KDM4C: variants seen among roughly 807,000 people sequenced by gnomAD.
The protein encoded by KDM4C is lysine-specific demethylase 4C.
Under a neutral mutation model 129.3 loss-of-function variants are expected in KDM4C, and 81 were observed. The observed-to-expected ratio is 0.63, with a 90% CI of 0.52 to 0.75. KDM4C has a LOEUF of 0.75. KDM4C is among the 30% of genes least tolerant of loss of function. The pLI is 0.00. For missense variants in KDM4C, 1,457 were observed against 1,304.0 expected (o/e 1.12, Z -1.81); for synonymous variants, 573 against 456.1 (o/e 1.26, Z -3.26).
At chr9:7,104,237 G>C (rs1226958711) in intron 18 of KDM4C, 2 of 197,380 alleles carry the variant, frequency 1.0e-5, no homozygotes, top group African/African-American at 4.5e-5. Flanking sequence ...ATTTCTGCGA[G>C]GGGATCACCA....
intron 18 of KDM4C, among the ~76,000 whole-genome samples, chr9:7,122,035 G>A (rs1839538223): frequency 6.6e-6 from 1 of 151,930 alleles, no homozygotes. Context: ...TGTTGTGTTA[G>A]TCTATTTTCG....
At chr9:6,780,256 C>G (rs1319312216) in intron 1 of KDM4C, among the ~76,000 whole-genome samples, 1 of 151,852 alleles carries the variant, frequency 6.6e-6, no homozygotes, top group Non-Finnish European at 1.5e-5. Context: ...GTGAATACAG[C>G]GGTGTTATTG....
intron 15 of KDM4C, among the ~76,000 whole-genome samples, chr9:7,016,207 A>G (rs1264785115): frequency 6.6e-6 from 1 of 151,446 alleles, no homozygotes; most frequent in Non-Finnish European, 1.5e-5. Flanking sequence ...GGCTCACTGC[A>G]AGCTCCACCT....
intron 15 of KDM4C, among the ~76,000 whole-genome samples, chr9:7,042,652 A>G (rs1160457181): frequency 2.0e-5 from 3 of 152,084 alleles, no homozygotes; most frequent in African/African-American, 7.2e-5. Context: ...TTAAGTACAT[A>G]CAGGAACTTT....
intron 17 of KDM4C, among the ~76,000 whole-genome samples, chr9:7,096,997 T>C (rs186035729): frequency 3.3e-5 from 5 of 152,356 alleles, no homozygotes; most frequent in Admixed American, 3.3e-4. Flanking sequence ...GCTGTGCTCC[T>C]ACTTCCTGAC....
intron 1 of KDM4C, chr9:6,748,582 T>C: frequency 3.4e-6 from 2 of 585,194 alleles, no homozygotes; most frequent in Non-Finnish European, 3.1e-6. Flanking sequence ...ACAGCATTTA[T>C]TGCCATCTTG....
chr9:7,028,714 T>C (rs190887691), intron 15 of KDM4C, among the ~76,000 whole-genome samples: 247 of 152,018 alleles, frequency 1.6e-3, no homozygotes, highest in African/African-American at 5.3e-3. Flanking sequence ...CAGAGTACTC[T>C]AGCCCGTGGT....
intron 8 of KDM4C, among the ~76,000 whole-genome samples, chr9:6,933,905 A>G (rs1353279737): frequency 2.0e-5 from 3 of 146,586 alleles, no homozygotes; most frequent in African/African-American, 5.0e-5. Context: ...GCTGAAGTGC[A>G]GCGGTGTGAT....
rs16924873 is a variant in KDM4C at position 6,833,489 on chromosome 9, A to G, written c.436-16018A>G. Among the ~76,000 whole-genome samples, 1,272 of 152,320 alleles carry G rather than the reference A, an allele frequency of 8.4e-3. 19 individuals are homozygous for G. Among genetic ancestry groups the G allele is most frequent in the African/African-American group, 0.029 (1,207 of 41,576 alleles). On this transcript the variant is annotated intron_variant, in intron 4 of 21. Transcript: ENST00000381309. ...TTGGCCACGTGGCTTCAGAAACAAT[A>G]GAGCCAGCATGGGTTAGAATTTTCA...
chr9:6,958,715 C>T (rs1480609949), intron 8 of KDM4C, among the ~76,000 whole-genome samples: 1 of 123,584 alleles, frequency 8.1e-6, no homozygotes, highest in Non-Finnish European at 1.6e-5. Flanking sequence ...GACAGGGTCT[C>T]ACTCTGTTAC....
At chr9:6,995,352 G>GAC (rs143193271) in intron 12 of KDM4C, among the ~76,000 whole-genome samples, 1,514 of 151,012 alleles carry the variant, frequency 0.01, 15 homozygotes, top group South Asian at 0.042. Flanking sequence ...CACAGGCACA[G>GAC]ACACACACAC....
intron 8 of KDM4C, among the ~76,000 whole-genome samples, chr9:6,924,271 G>A (rs1357954565): frequency 6.6e-6 from 1 of 152,174 alleles, no homozygotes; most frequent in Non-Finnish European, 1.5e-5. Context: ...ACTGAACAGT[G>A]TTTGTGCTTG....
chr9:7,112,771 C>G (rs1218202933), intron 18 of KDM4C, among the ~76,000 whole-genome samples: 2 of 152,164 alleles, frequency 1.3e-5, no homozygotes, highest in East Asian at 1.9e-4. Context: ...TTTCTGCTTT[C>G]TCCTTTTCAT....
intron 8 of KDM4C, among the ~76,000 whole-genome samples, chr9:6,949,372 G>A (rs1306358591): frequency 2.0e-5 from 3 of 152,044 alleles, no homozygotes; most frequent in African/African-American, 7.2e-5. Flanking sequence ...AGACTGGGCA[G>A]AGGGGCTCCT....
intron 5 of KDM4C, among the ~76,000 whole-genome samples, chr9:6,860,710 C>T (rs868604388): frequency 6.6e-6 from 1 of 152,194 alleles, no homozygotes; most frequent in Non-Finnish European, 1.5e-5. Flanking sequence ...CCTCTTTAGT[C>T]TTGCAGTAGT....
intron 12 of KDM4C, 142 bp downstream of exon 12, chr9:6,990,666 T>C: frequency 1.7e-6 from 1 of 600,112 alleles, no homozygotes; most frequent in Non-Finnish European, 3.0e-6. Context: ...AATAAATAAT[T>C]TACAGGTAAA....
At chr9:6,854,250 T>C (rs7852419) in intron 5 of KDM4C, among the ~76,000 whole-genome samples, 20,073 of 151,914 alleles carry the variant, frequency 0.13, 1,896 homozygotes, top group African/African-American at 0.26. Flanking sequence ...AACTTTCGAC[T>C]GGGTGCGGTG....
intron 17 of KDM4C, chr9:7,076,955 C>T (rs1478751389): frequency 2.0e-6 from 2 of 985,936 alleles, no homozygotes; most frequent in Non-Finnish European, 2.4e-6. Context: ...TTCTACAGCA[C>T]ATCACAGGCC....
At chr9:6,948,003 A>C (rs1827282898) in intron 8 of KDM4C, 1 of 151,988 alleles carries the variant, frequency 6.6e-6, no homozygotes, top group Admixed American at 6.5e-5. Flanking sequence ...TATTCTTCTA[A>C]GTGTAATTTG....
Sources: gnomAD v4.1 joint callset for allele counts (sites outside exome capture counted in the v4.1 genomes callset) on GRCh38, gnomAD v4.1.1 for gene constraint, MANE v1.5 for transcripts, NCBI Gene and HGNC (gene_info 2026-07-23, HGNC 2026-07-21) for gene names.